RIF1: variants seen among roughly 807,000 people sequenced by gnomAD.
RIF1 encodes replication timing regulatory factor 1.
Under a neutral mutation model 247.1 loss-of-function variants are expected in RIF1, and 45 were observed. That is an observed-to-expected ratio of 0.18 (90% CI 0.14 to 0.23). RIF1 has a LOEUF of 0.23. Ranked by LOEUF, RIF1 falls within the 10% of genes least tolerant of loss-of-function variation. RIF1 has a pLI of 1.00. For missense variants in RIF1, 2,967 were observed against 2,862.5 expected (o/e 1.04, Z -0.83); for synonymous variants, 1,087 against 978.8 (o/e 1.11, Z -2.06).
At chr2:151,473,842 TG>T in intron 34 of RIF1, 121 bp from the exon 35 acceptor site, 1 of 669,358 alleles carries the variant, frequency 1.5e-6, no homozygotes, top group South Asian at 1.7e-5. Flanking sequence ...TTGTGATGGG[TG>T]GTAGAACATA....
chr2:151,506,986 T>A, intron 13 of RIF1: 1 of 1,608,368 alleles, frequency 6.2e-7, no homozygotes, highest in African/African-American at 1.3e-5. Context: ...TTTCCTTTAC[T>A]GTTTTTAAGG....
chr2:151,500,896 G>A (rs565857707), intron 11 of RIF1, among the ~76,000 whole-genome samples: 1 of 152,178 alleles, frequency 6.6e-6, no homozygotes, highest in East Asian at 1.9e-4. Context: ...ACCACGCCTG[G>A]CCCCAAATAA....
rs2062746264 is a variant in RIF1, at chr2:151,499,400, A to C, written c.*569A>C. 1 of 1,467,462 alleles carries C rather than the reference A, an allele frequency of 6.8e-7. No individual in the cohort carries two copies. The highest frequency in any genetic ancestry group is 9.3e-7 in the Non-Finnish European group (1 of 1,072,746). 90.9% of individuals were successfully genotyped at this position (1,467,462 alleles called of 1,614,324 possible). On this transcript the variant is annotated 3_prime_UTR_variant and NMD_transcript_variant, in exon 11 of 14. Transcript: ENST00000454583. ...TTTCTTTATACAACACCTGTATGAC[A>C]CAAGAAAGCATCCAGAAAAAACAAG...
At position 151,467,625 on chromosome 2, in the gene RIF1, G is replaced by A. The variant is rs186289706; in HGVS notation, c.6601-375G>A. On this transcript the variant is annotated intron_variant, in intron 30 of 35. Transcript: ENST00000444746. ...CCCAAAGTGCTGGGATTACAGGTGC[G>A]AGCCACTGCGCCTGGCACATTTCTG... Among the ~76,000 whole-genome samples, 60 of 152,232 alleles carry A rather than the reference G, an allele frequency of 3.9e-4. 1 individual carries two copies. The highest frequency in any genetic ancestry group is 1.4e-3 in the African/African-American group (58 of 41,556).
At chr2:151,431,883 C>T (rs1402322512) in intron 9 of RIF1, among the ~76,000 whole-genome samples, 5 of 152,194 alleles carry the variant, frequency 3.3e-5, no homozygotes, top group Non-Finnish European at 5.9e-5. Flanking sequence ...CAGTGATAGC[C>T]TTTATTTTCT....
intron 5 of RIF1, 44 bp downstream of exon 5, chr2:151,416,732 TAAAA>T (rs1397784339): frequency 1.2e-6 from 2 of 1,602,264 alleles, no homozygotes; most frequent in Admixed American, 1.8e-5. Context: ...ATATGCCAAT[TAAAA>T]GAAAAAACTA....
rs1257151763 is a variant in RIF1 at position 151,476,640 on chromosome 2, C to G, written c.*1569C>G. ...CAGATATTTTTGGGTCTAAGATATT[C>G]ATATACCAAGGATGGTTTTGTAAAG... On this transcript the variant is annotated 3_prime_UTR_variant, in exon 36 of 36. Coordinates refer to ENST00000444746, the MANE Select transcript of RIF1 (RefSeq NM_018151.5). 1 of 152,088 alleles carries G rather than the reference C, an allele frequency of 6.6e-6. No homozygotes were observed. Among genetic ancestry groups the G allele is most frequent in the Non-Finnish European group, 1.5e-5 (1 of 68,026 alleles). The allele number at this position is 152,088 out of a possible 1,614,324, so 9.4% of individuals were successfully genotyped here.
intron 16 of RIF1, among the ~76,000 whole-genome samples, chr2:151,442,961 AG>A (rs1302817818): frequency 2.0e-5 from 3 of 151,566 alleles, no homozygotes; most frequent in African/African-American, 7.3e-5. Context: ...TTTATTTAGT[AG>A]AGATGGGGTT....
At chr2:151,484,140 T>C (rs138208796), downstream of RIF1, among the ~76,000 whole-genome samples, 356 of 152,326 alleles carry the variant, frequency 2.3e-3, 9 homozygotes, top group East Asian at 0.046. Flanking sequence ...TTGGTTGAAT[T>C]TGTGGATGTG....
intron 9 of RIF1, among the ~76,000 whole-genome samples, chr2:151,430,454 T>C (rs1689889064): frequency 6.6e-6 from 1 of 152,036 alleles, no homozygotes; most frequent in South Asian, 2.1e-4. Flanking sequence ...CCCAAGTAGC[T>C]GGGATGACAG....
At chr2:151,468,194 T>C in intron 31 of RIF1, 48 bp downstream of exon 31, 1 of 1,480,914 alleles carries the variant, frequency 6.8e-7, no homozygotes, top group South Asian at 1.2e-5. Context: ...CGACACAGAA[T>C]TACATGTACA....
the RIF1 span, chr2:151,525,254 A>G: frequency 1.9e-6 from 3 of 1,613,196 alleles, no homozygotes; most frequent in South Asian, 3.3e-5. Context: ...CTCCTTGACA[A>G]ACTTCTTTTT....
intron 35 of RIF1, among the ~76,000 whole-genome samples, chr2:151,474,446 A>G (rs1174784382): frequency 6.6e-6 from 1 of 152,240 alleles, no homozygotes; most frequent in Non-Finnish European, 1.5e-5. Flanking sequence ...TGGGAGGCCA[A>G]GGTGGGTGGA....
chr2:151,434,288 A>G (rs780837235), intron 10 of RIF1, among the ~76,000 whole-genome samples: 7 of 152,078 alleles, frequency 4.6e-5, no homozygotes, highest in Non-Finnish European at 8.8e-5. Flanking sequence ...CAATGACTGA[A>G]TCCTATTTAT....
At chr2:151,452,532 A>G (rs935644619) in intron 21 of RIF1, among the ~76,000 whole-genome samples, 1 of 152,214 alleles carries the variant, frequency 6.6e-6, no homozygotes, top group Non-Finnish European at 1.5e-5. Context: ...ATTTTTACTA[A>G]GTAGCAATAT....
At chr2:151,497,127 A>AAAAC in intron 10 of RIF1, 3 of 1,427,644 alleles carry the variant, frequency 2.1e-6, no homozygotes, top group South Asian at 2.6e-5. Flanking sequence ...TTGTTAAGAC[A>AAAAC]AAACACAGTT....
the RIF1 span, among the ~76,000 whole-genome samples, chr2:151,521,417 G>A: frequency 6.6e-6 from 1 of 152,204 alleles, no homozygotes; most frequent in Non-Finnish European, 1.5e-5. Flanking sequence ...ACATAAAGAA[G>A]TGGAAGGCCT....
chr2:151,467,637 C>T (rs1197604725), intron 30 of RIF1, among the ~76,000 whole-genome samples: 1 of 152,176 alleles, frequency 6.6e-6, no homozygotes, highest in African/African-American at 2.4e-5. Context: ...GCCACTGCGC[C>T]TGGCACATTT....
chr2:151,451,119 T>G (rs1694239660), intron 20 of RIF1, among the ~76,000 whole-genome samples: 1 of 152,222 alleles, frequency 6.6e-6, no homozygotes, highest in Admixed American at 6.5e-5. Flanking sequence ...TAATCATGTA[T>G]GGTCATGCGC....
Sources: allele counts gnomAD v4.1 joint callset (sites outside exome capture counted in the v4.1 genomes callset), GRCh38; gene constraint gnomAD v4.1.1; transcripts MANE v1.5; gene names NCBI Gene and HGNC (gene_info 2026-07-23, HGNC 2026-07-21).